MYOZ3: variants seen among roughly 807,000 people sequenced by gnomAD.
MYOZ3 encodes the protein myozenin 3.
A neutral mutation model predicts 26.5 loss-of-function variants in MYOZ3; 19 were observed. The ratio of observed to expected loss-of-function variants is 0.72; its 90% CI spans 0.50 to 1.05. MYOZ3 has a LOEUF of 1.05. MYOZ3 is among the 50% of genes least tolerant of loss of function. MYOZ3 has a pLI of 0.00. For missense variants in MYOZ3, 322 were observed against 337.1 expected (o/e 0.96, Z 0.35); for synonymous variants, 135 against 138.8 (o/e 0.97, Z 0.19).
Position 150,671,904 on chromosome 5 carries a change from G to A in MYOZ3, c.420G>A (p.Ala140=). The change falls in exon 5 of 7, where the codon GCG becomes GCA. Residue 140 remains alanine (A), a synonymous_variant. Transcript: ENST00000517768. ...GCGTCCCCAGCCCCAGCGCCCTGGC[G>A]CCAGGTGAGTGGCCTCCTCGGGTCC... ...AGCVPSPSAL[A]PGYAEPLKGV... is the part of the protein sequence containing the mutation. 1.9e-6 allele frequency: 3 copies of A among 1,542,902 alleles called. No homozygotes were observed. Among genetic ancestry groups the A allele is most frequent in the Non-Finnish European group, 2.6e-6 (3 of 1,150,998 alleles).
chr5:150,662,921 T>C lies in MYOZ3; in HGVS notation c.-1-20T>C. 1 of 1,608,224 alleles carries C rather than the reference T, an allele frequency of 6.2e-7. No homozygotes were observed. The highest frequency in any genetic ancestry group is 8.5e-7 in the Non-Finnish European group (1 of 1,176,774). On this transcript the variant is annotated intron_variant, in intron 1 of 6. Coordinates refer to ENST00000517768, the MANE Select transcript of MYOZ3 (RefSeq NM_001122853.3). ...AAATGGAGGCAGCCTGGTCCATTTA[T>C]GGGGGTCTCTCCTCCACAGGATGAT...
At chr5:150,676,565 A>ATT in intron 6 of MYOZ3, 142 bp from the exon 7 acceptor site, 2 of 440,106 alleles carry the variant, frequency 4.5e-6, no homozygotes, top group Non-Finnish European at 4.1e-6. Context: ...AAAAAAAAAG[A>ATT]TGTACAGAAT....
chr5:150,671,682 A>T (rs781498957), intron 4 of MYOZ3, 32 bp downstream of exon 4: 1 of 1,613,344 alleles, frequency 6.2e-7, no homozygotes. Flanking sequence ...CTGGAAGGGA[A>T]GCTGGGGGAA....
intron 5 of MYOZ3, 42 bp downstream of exon 5, chr5:150,671,950 C>T (rs1459762549): frequency 7.4e-6 from 11 of 1,482,524 alleles, no homozygotes; most frequent in Non-Finnish European, 8.9e-6. Context: ...GCTGGGGGGC[C>T]TGAAGCATGG....
rs1362272953 is a variant in MYOZ3 at position 150,678,915 on chromosome 5, TC to T, written c.*2043del. On this transcript the variant is annotated 3_prime_UTR_variant, in exon 7 of 7. Transcript: ENST00000517768. ...AAAGCCTCTCATTGCTGTAGAGCTC[TC>T]CCTGCCTCTCTCTCTGGGGGCGATG... The T allele has an allele frequency of 1.3e-5, 2 of 152,320 alleles. No individual in the cohort carries two copies. Among genetic ancestry groups the T allele is most frequent in the Non-Finnish European group, 2.9e-5 (2 of 68,064 alleles). 9.4% of individuals were successfully genotyped at this position (152,320 alleles called of 1,614,324 possible).
At position 150,671,662 on chromosome 5, in the gene MYOZ3, G is replaced by A; in HGVS notation, c.270+12G>A. 2 of 1,613,908 alleles carry A rather than the reference G, an allele frequency of 1.2e-6. No individual in the cohort carries two copies. Among genetic ancestry groups the A allele is most frequent in the Non-Finnish European group, 1.7e-6 (2 of 1,179,994 alleles). ...CGGAGTCGGGGACGGTGAGCGTGGA[G>A]GGGAGCTCCCTGGAAGGGAAGCTGG... On this transcript the variant is annotated intron_variant, in intron 4 of 6. Transcript: ENST00000517768.
chr5:150,673,486 G>T (rs1030037776), intron 6 of MYOZ3, among the ~76,000 whole-genome samples: 2 of 151,922 alleles, frequency 1.3e-5, no homozygotes, highest in African/African-American at 4.8e-5. Context: ...GATTACAGGC[G>T]CCCACCACCG....
At chr5:150,665,920 A>G (rs1305616680) in intron 2 of MYOZ3, among the ~76,000 whole-genome samples, 2 of 151,862 alleles carry the variant, frequency 1.3e-5, no homozygotes, top group Non-Finnish European at 2.9e-5. Context: ...CTGCAATTCC[A>G]GCTACTCGGG....
chr5:150,677,198 G>A lies in MYOZ3; in HGVS notation c.*323G>A, dbSNP rs1458522950. On this transcript the variant is annotated 3_prime_UTR_variant, in exon 7 of 7. Transcript: ENST00000517768. ...TGTCATCCCAGCACTTTGGGAGGCC[G>A]AGGCAGGAGGATCACCTGAGGTCAG... The A allele has an allele frequency of 2.5e-5, 5 of 199,748 alleles. No homozygotes were observed. Among genetic ancestry groups the A allele is most frequent in the East Asian group, 1.2e-4 (1 of 8,076 alleles). 12.4% of individuals were successfully genotyped at this position (199,748 alleles called of 1,614,324 possible). A position where few individuals can be genotyped will look rare whatever the true frequency, so the allele number is the denominator to read the frequency against.
chr5:150,676,731 C>A lies in MYOZ3; in HGVS notation c.612C>A (p.Pro204=). The change falls in exon 7 of 7, where the codon CCC becomes CCA. Residue 204 remains proline, a synonymous_variant. Transcript: ENST00000517768. ...GGACCCCGGTGCCATTTGGAGGACC[C>A]CTCGTGGGGGGCACTTTTCCCAGGC... ...FNKTPVPFGG[P]LVGGTFPRPG... is the part of the protein sequence containing the mutation. 1.2e-6 allele frequency: 2 copies of A among 1,614,006 alleles called. No individual in the cohort carries two copies. Among genetic ancestry groups the A allele is most frequent in the Admixed American group, 1.7e-5 (1 of 60,002 alleles).
intron 2 of MYOZ3, among the ~76,000 whole-genome samples, chr5:150,666,630 A>AATATATATATATATATATAT (rs1554113785): frequency 8.1e-6 from 1 of 123,062 alleles, no homozygotes; most frequent in African/African-American, 3.3e-5. Context: ...AAAAAAAAAA[A>AATATATATATATATATATAT]ATATATATAT....
In MYOZ3 at chr5:150,678,110, G is replaced by A. The variant is rs74732480; in HGVS notation, c.*1235G>A. ...GGTCTTGCTGGGTGCTGTGTGGGGCGCATATTGGAGAAGGGTAATGCCAGA... is the reference window on the plus strand; with the variant it reads ...GGTCTTGCTGGGTGCTGTGTGGGGCACATATTGGAGAAGGGTAATGCCAGA... On this transcript the variant is annotated 3_prime_UTR_variant, in exon 7 of 7. Coordinates refer to ENST00000517768, the MANE Select transcript of MYOZ3 (RefSeq NM_001122853.3). The A allele has an allele frequency of 3.5e-3, 540 of 152,664 alleles. 3 individuals are homozygous for A. The highest frequency in any genetic ancestry group is 4.5e-3 in the Non-Finnish European group (305 of 68,290). 9.5% of individuals were successfully genotyped at this position (152,664 alleles called of 1,614,324 possible).
At chr5:150,671,533 G>A (rs1758909195) in intron 3 of MYOZ3, 64 bp from the exon 4 acceptor site, 2 of 1,570,406 alleles carry the variant, frequency 1.3e-6, no homozygotes, top group Non-Finnish European at 1.7e-6. Context: ...TTTGGTGGAG[G>A]GAGAACCCTG....
intron 2 of MYOZ3, among the ~76,000 whole-genome samples, chr5:150,664,359 A>G (rs1018951270): frequency 6.6e-6 from 1 of 152,118 alleles, no homozygotes; most frequent in African/African-American, 2.4e-5. Context: ...TCTCTTGGGG[A>G]GTTCATTACA....
chr5:150,668,362 G>A (rs1210427912), intron 2 of MYOZ3, among the ~76,000 whole-genome samples: 1 of 152,120 alleles, frequency 6.6e-6, no homozygotes, highest in African/African-American at 2.4e-5. Flanking sequence ...GCAGCACTTG[G>A]CTCTGTTAGT....
In MYOZ3 at chr5:150,676,921, A is replaced by C. The variant is rs1421933892; in HGVS notation, c.*46A>C. 1 of 1,566,728 alleles carries C rather than the reference A, an allele frequency of 6.4e-7. No individual in the cohort carries two copies. The highest frequency in any genetic ancestry group is 1.8e-5 in the Admixed American group (1 of 56,434). On this transcript the variant is annotated 3_prime_UTR_variant, in exon 7 of 7. Coordinates refer to ENST00000517768, the MANE Select transcript of MYOZ3 (RefSeq NM_001122853.3). ...TCCCCAGTCTCGGGGGCCTGGTAAC[A>C]TCCGGAGCCAAGACTTGTGGACAGC... is the stretch of plus-strand genomic sequence containing the variant.
chr5:150,670,721 G>C, intron 3 of MYOZ3, 83 bp downstream of exon 3: 1 of 1,359,228 alleles, frequency 7.4e-7, no homozygotes, highest in Non-Finnish European at 1.0e-6. Flanking sequence ...CGGTAAGCCA[G>C]GCTGAGGACT....
At chr5:150,670,241 T>C (rs1758880415) in intron 2 of MYOZ3, 1 of 379,634 alleles carries the variant, frequency 2.6e-6, no homozygotes, top group African/African-American at 2.1e-5. Context: ...TAAACACAAA[T>C]GGCCAAAGAA....
In MYOZ3 at chr5:150,671,817, C is replaced by CGG; in HGVS notation, c.333_334insGG (p.Ser112GlyfsTer37). The CGG allele has an allele frequency of 6.2e-7, 1 of 1,612,194 alleles. No homozygotes were observed. Among genetic ancestry groups the CGG allele is most frequent in the Non-Finnish European group, 8.5e-7 (1 of 1,179,780 alleles). ...GCTCGGAGCTCCACATCTTCCCGGC[C>CGG]TCACCCGGGGCCTCACTCGGGGGTC... is the stretch of plus-strand genomic sequence containing the variant. On this transcript the variant is annotated frameshift_variant, in exon 5 of 7. Transcript: ENST00000517768. LOFTEE classifies it high-confidence loss of function.
Sources: gnomAD v4.1 joint callset for allele counts (sites outside exome capture counted in the v4.1 genomes callset) on GRCh38, gnomAD v4.1.1 for gene constraint, MANE v1.5 for transcripts, NCBI Gene and HGNC (gene_info 2026-07-23, HGNC 2026-07-21) for gene names.